The following ASL variants were observed in gnomAD, a reference collection of about 807,000 sequenced individuals.
ASL encodes the protein argininosuccinate lyase.
Under a neutral mutation model 69.1 loss-of-function variants are expected in ASL, and 51 were observed. The ratio of observed to expected loss-of-function variants is 0.74; its 90% CI spans 0.59 to 0.93. The LOEUF is 0.93. ASL is among the 40% of genes least tolerant of loss of function. The probability of loss-of-function intolerance (pLI) is 0.00; values close to 1 mark genes in which losing one functional copy is unlikely to be tolerated. For synonymous variants in ASL, 241 were observed against 247.6 expected (o/e 0.97, Z 0.25); for missense variants, 540 against 623.9 (o/e 0.87, Z 1.43).
At chr7:66,082,853 T>C in intron 4 of ASL, 27 bp from the exon 5 acceptor site, 1 of 1,613,220 alleles carries the variant, frequency 6.2e-7, no homozygotes, top group South Asian at 1.1e-5. Flanking sequence ...GTATAGACCG[T>C]GACCCTGGGT....
At chr7:66,081,747 G>A (rs1235288197) in intron 2 of ASL, 56 bp from the exon 3 acceptor site, 1 of 1,566,322 alleles carries the variant, frequency 6.4e-7, no homozygotes, top group Non-Finnish European at 8.7e-7. Context: ...CTCTTTGCAA[G>A]AAGCACTGTT....
In ASL at chr7:66,092,773, T is replaced by G; in HGVS notation, c.1256T>G (p.Leu419Arg). 1.9e-6 allele frequency: 3 copies of G among 1,613,576 alleles called. No individual in the cohort carries two copies. The highest frequency in any genetic ancestry group is 2.5e-6 in the Non-Finnish European group (3 of 1,179,904). Reference protein sequence around the residue: ...SLQELQTISPLFSGDVICVWD... With the variant: ...SLQELQTISPRFSGDVICVWD... ...ACCTCTTCCTCTCTCCCCAGCCCCC[T>G]GTTCTCGGGCGACGTGATCTGCGTG... The change falls in exon 17 of 17, where the codon CTG becomes CGG. Residue 419 changes from leucine (L) to arginine (R), a missense_variant. Leu to Arg is a moderately radical substitution (Grantham distance 102, BLOSUM62 -2). Coordinates refer to ENST00000304874, the MANE Select transcript of ASL (RefSeq NM_000048.4).
intron 8 of ASL, 124 bp from the exon 9 acceptor site, chr7:66,087,210 G>T: frequency 8.1e-7 from 1 of 1,228,174 alleles, no homozygotes; most frequent in Non-Finnish European, 1.2e-6. Context: ...TGGTTGCCCT[G>T]GCAACCAGGA....
intron 6 of ASL, among the ~76,000 whole-genome samples, chr7:66,083,765 G>A (rs1414931789): frequency 6.6e-6 from 1 of 151,748 alleles, no homozygotes; most frequent in Non-Finnish European, 1.5e-5. Context: ...AGCTAGCTTG[G>A]CTGTGCCTGG....
In ASL at chr7:66,087,522, GTCA is replaced by G. The variant is rs369464777; in HGVS notation, c.655+140_655+142del. The G allele has an allele frequency of 4.8e-5, 56 of 1,158,946 alleles. No homozygotes were observed. The African/African-American group carries it at 7.6e-4, about 16-fold the overall frequency. The allele number at this position is 1,158,946 out of a possible 1,614,324, so 71.8% of individuals were successfully genotyped here. On this transcript the variant is annotated intron_variant, in intron 9 of 16. Transcript: ENST00000304874. ...TCATTCATTGCCTATGGGCACTGAG[GTCA>G]TCAAGTTCAGGGGTCACTCATGGCA...
Position 66,086,613 on chromosome 7 carries a change from A to G in ASL, c.475A>G (p.Thr159Ala). The change falls in exon 7 of 17, where the codon ACC becomes GCC. Residue 159 changes from threonine (T) to alanine (A), a missense_variant. Coordinates refer to ENST00000304874, the MANE Select transcript of ASL (RefSeq NM_000048.4). Reference sequence around the variant, plus strand: ...ACGTGATGTTCTCTTCCCGGGGTACACCCATTTGCAGAGGGCCCAGCCCAT... The same window carrying G: ...ACGTGATGTTCTCTTCCCGGGGTACGCCCATTTGCAGAGGGCCCAGCCCAT... The part of the protein sequence containing the change: ...AERDVLFPGY[T>A]HLQRAQPIRW... The G allele has an allele frequency of 6.2e-7, 1 of 1,613,690 alleles. No individual in the cohort carries two copies. The highest frequency in any genetic ancestry group is 8.5e-7 in the Non-Finnish European group (1 of 1,180,000).
intron 10 of ASL, 122 bp downstream of exon 10, chr7:66,087,913 G>C: frequency 1.5e-6 from 2 of 1,304,484 alleles, no homozygotes; most frequent in Non-Finnish European, 1.1e-6. Flanking sequence ...GTACACTGAA[G>C]TATAAACCTT....
chr7:66,092,249 C>G (rs1476240028), intron 15 of ASL, among the ~76,000 whole-genome samples, 163 bp downstream of exon 15: 1 of 151,804 alleles, frequency 6.6e-6, no homozygotes, highest in Non-Finnish European at 1.5e-5. Context: ...GCCAGGAGTT[C>G]GAGACCAGCC....
At position 66,089,705 on chromosome 7, in the gene ASL, C is replaced by A; in HGVS notation, c.1062+10C>A. 6.2e-7 allele frequency: 1 copy of A among 1,612,990 alleles called. No individual in the cohort carries two copies. The highest frequency in any genetic ancestry group is 1.3e-5 in the African/African-American group (1 of 75,028). ...CATCTCTACGCTGCAGGCAAGACATCACCCCCCTGCTTCTCCTCCCCTAGG... is the reference window on the plus strand; with the variant it reads ...CATCTCTACGCTGCAGGCAAGACATAACCCCCCTGCTTCTCCTCCCCTAGG... On this transcript the variant is annotated intron_variant, in intron 14 of 16. Coordinates refer to ENST00000304874, the MANE Select transcript of ASL (RefSeq NM_000048.4).
intron 2 of ASL, among the ~76,000 whole-genome samples, chr7:66,076,623 C>G (rs1786353624): frequency 6.6e-6 from 1 of 152,194 alleles, no homozygotes; most frequent in African/African-American, 2.4e-5. Flanking sequence ...CCCTTCCTGT[C>G]TCACTGGACC....
intron 6 of ASL, among the ~76,000 whole-genome samples, chr7:66,085,636 C>T (rs1174376322): frequency 6.7e-6 from 1 of 149,538 alleles, no homozygotes; most frequent in African/African-American, 2.5e-5. Context: ...GAGACGGAGT[C>T]TCGCTCTGTC....
chr7:66,086,749 C>T lies in ASL; in HGVS notation c.530C>T (p.Ala177Val). 1 of 1,606,092 alleles carries T rather than the reference C, an allele frequency of 6.2e-7. No individual in the cohort carries two copies. The highest frequency in any genetic ancestry group is 8.5e-7 in the Non-Finnish European group (1 of 1,176,934). Reference protein sequence around the residue: ...IRWSHWILSHAVALTRDSERL... With the variant: ...IRWSHWILSHVVALTRDSERL... Reference sequence around the variant, plus strand: ...CTGCCCCTGGCTTCCCACAGCCACGCCGTGGCACTGACCCGAGACTCTGAG... The same window carrying T: ...CTGCCCCTGGCTTCCCACAGCCACGTCGTGGCACTGACCCGAGACTCTGAG... The change falls in exon 8 of 17, where the codon GCC (alanine) becomes GTC (valine). Residue 177 changes from alanine to valine, a missense_variant. Physicochemically the swap from Ala to Val is moderately conservative, Grantham distance 64. Coordinates refer to ENST00000304874, the MANE Select transcript of ASL (RefSeq NM_000048.4).
rs759802742 is a variant in ASL at position 66,087,757 on chromosome 7, C to T, written c.684C>T (p.Asn228=). The change falls in exon 10 of 17, where the codon AAC becomes AAT. Residue 228 remains asparagine, a synonymous_variant. Coordinates refer to ENST00000304874, the MANE Select transcript of ASL (RefSeq NM_000048.4). ...AELNFGAITL[N]SMDATSERDF... The stretch of plus-strand genomic sequence containing the variant: ...TCAACTTTGGGGCCATCACTCTCAA[C>T]AGCATGGATGCCACTAGTGAGCGGG... 2 of 1,614,162 alleles carry T rather than the reference C, an allele frequency of 1.2e-6. No homozygotes were observed. Among genetic ancestry groups the T allele is most frequent in the East Asian group, 2.2e-5 (1 of 44,874 alleles).
At chr7:66,089,404 C>T in intron 13 of ASL, 69 bp downstream of exon 13, 39 of 1,546,570 alleles carry the variant, frequency 2.5e-5, no homozygotes, top group Non-Finnish European at 3.4e-5. Context: ...CAGGCAGGGC[C>T]CCACCCCGGG....
At chr7:66,084,166 T>G (rs1301661602) in intron 6 of ASL, among the ~76,000 whole-genome samples, 2 of 146,240 alleles carry the variant, frequency 1.4e-5, no homozygotes, top group South Asian at 2.1e-4. Context: ...TTGTTGTTGT[T>G]TTTTTTTTTT....
Position 66,075,822 on chromosome 7 carries a change from G to A in ASL, c.-78G>A. ...CCCGGCCAGAAAAGCCCTGGCCAGTGGCGGGCGCGACACTATCCGTGCGGC... is the reference window on the plus strand; with the variant it reads ...CCCGGCCAGAAAAGCCCTGGCCAGTAGCGGGCGCGACACTATCCGTGCGGC... On this transcript the variant is annotated 5_prime_UTR_variant, in exon 1 of 17. Coordinates refer to ENST00000304874, the MANE Select transcript of ASL (RefSeq NM_000048.4). 1 of 479,500 alleles carries A rather than the reference G, an allele frequency of 2.1e-6. No homozygotes were observed. The highest frequency in any genetic ancestry group is 2.5e-5 in the South Asian group (1 of 40,748). The allele number at this position is 479,500 out of a possible 1,614,324, so 29.7% of individuals were successfully genotyped here. A position where few individuals can be genotyped will look rare whatever the true frequency, so the allele number is the denominator to read the frequency against.
intron 2 of ASL, among the ~76,000 whole-genome samples, chr7:66,081,366 G>A (rs576198147): frequency 4.6e-5 from 7 of 152,190 alleles, no homozygotes; most frequent in South Asian, 2.1e-4. Flanking sequence ...GATCACCTGA[G>A]GTCAGGAGTT....
intron 15 of ASL, 52 bp from the exon 16 acceptor site, chr7:66,092,505 A>T: frequency 1.3e-6 from 2 of 1,518,976 alleles, no homozygotes; most frequent in Non-Finnish European, 1.8e-6. Context: ...ATGGAGGCAG[A>T]TCAGGGCATG....
At chr7:66,078,176 C>T (rs913491014) in intron 2 of ASL, among the ~76,000 whole-genome samples, 6 of 152,296 alleles carry the variant, frequency 3.9e-5, no homozygotes, top group East Asian at 1.9e-4. Context: ...CTGGGGGAGG[C>T]GGTGCCAGGC....
Sources: gnomAD v4.1 joint callset for allele counts (sites outside exome capture counted in the v4.1 genomes callset) on GRCh38, gnomAD v4.1.1 for gene constraint, MANE v1.5 for transcripts, NCBI Gene and HGNC (gene_info 2026-07-23, HGNC 2026-07-21) for gene names.